The following TMEM163 variants were observed in gnomAD, a reference collection of about 807,000 sequenced individuals.
The protein encoded by TMEM163 is transmembrane protein 163.
In TMEM163, 17 loss-of-function variants were observed where a neutral mutation model predicts 29.3. That is an observed-to-expected ratio of 0.58 (90% CI 0.40 to 0.87). The LOEUF (loss-of-function observed/expected upper bound fraction) is 0.87, where lower values mean the gene tolerates loss of function less well. Ranked by LOEUF, TMEM163 falls within the 40% of genes least tolerant of loss-of-function variation. TMEM163 has a pLI of 0.00. For synonymous variants in TMEM163, 157 were observed against 160.6 expected, an observed-to-expected ratio of 0.98 and a Z score of 0.17; for missense variants, 303 against 381.5, an observed-to-expected ratio of 0.79 and a Z score of 1.71.
chr2:134,679,232 G>A (rs896642990), intron 2 of TMEM163, among the ~76,000 whole-genome samples: 5 of 152,220 alleles, frequency 3.3e-5, no homozygotes, highest in Non-Finnish European at 4.4e-5. Flanking sequence ...AACAATCAGC[G>A]GAGCCATGCT....
chr2:134,591,252 T>C (rs941159817), intron 2 of TMEM163, among the ~76,000 whole-genome samples: 5 of 152,220 alleles, frequency 3.3e-5, no homozygotes, highest in African/African-American at 1.2e-4. Flanking sequence ...TCACCCTTTG[T>C]GTCCATGCTC....
intron 2 of TMEM163, among the ~76,000 whole-genome samples, chr2:134,644,791 T>C (rs1262967074): frequency 6.6e-6 from 1 of 152,004 alleles, no homozygotes; most frequent in Non-Finnish European, 1.5e-5. Context: ...ATGAAAAATA[T>C]TTTTCTGCAA....
In TMEM163 at chr2:134,713,226, G is replaced by A. The variant is rs760438325; in HGVS notation, c.296C>T (p.Thr99Ile). 5 of 1,614,058 alleles carry A rather than the reference G, an allele frequency of 3.1e-6. No individual in the cohort carries two copies. Among genetic ancestry groups the A allele is most frequent in the East Asian group, 4.5e-5 (2 of 44,902 alleles). Reference sequence around the variant, plus strand: ...AAAGGCAGCCACCGCGAGGGCCAGGGTGACAATGATGGAGAACCAGGACAC... The same window carrying A: ...AAAGGCAGCCACCGCGAGGGCCAGGATGACAATGATGGAGAACCAGGACAC... ...LWVSWFSIIV[T>I]LALAVAAFTV... Residue 99 changes from threonine to isoleucine, a missense_variant, in exon 2 of 8, where the codon ACC (threonine) becomes ATC (isoleucine). Thr to Ile is a moderately conservative substitution (Grantham distance 89). Coordinates refer to ENST00000281924, the MANE Select transcript of TMEM163 (RefSeq NM_030923.5).
At chr2:134,511,086 G>A (rs1256109245) in intron 4 of TMEM163, among the ~76,000 whole-genome samples, 1 of 139,166 alleles carries the variant, frequency 7.2e-6, no homozygotes, top group Non-Finnish European at 1.5e-5. Flanking sequence ...ATGGGGATAG[G>A]CAATGAACAC....
At chr2:134,636,778 C>T (rs1246427397) in intron 2 of TMEM163, among the ~76,000 whole-genome samples, 13 of 152,204 alleles carry the variant, frequency 8.5e-5, no homozygotes, top group Admixed American at 8.5e-4. Context: ...TATTATAAAA[C>T]CTAAGATCAG....
At chr2:134,594,398 T>G (rs1682014482) in intron 2 of TMEM163, among the ~76,000 whole-genome samples, 1 of 152,172 alleles carries the variant, frequency 6.6e-6, no homozygotes, top group Non-Finnish European at 1.5e-5. Context: ...TGATGCAGTC[T>G]GCCTTCTGCT....
chr2:134,597,687 T>C (rs1043902130), intron 2 of TMEM163, among the ~76,000 whole-genome samples: 2 of 152,240 alleles, frequency 1.3e-5, no homozygotes, highest in African/African-American at 4.8e-5. Flanking sequence ...TCAGAAGGAA[T>C]GGTACCAGCT....
chr2:134,510,733 G>T (rs1248716617), intron 4 of TMEM163, among the ~76,000 whole-genome samples: 2 of 152,138 alleles, frequency 1.3e-5, no homozygotes, highest in Non-Finnish European at 2.9e-5. Context: ...GTCTGTTTGG[G>T]GCTTGCCAAG....
chr2:134,500,664 G>A (rs917858987), intron 5 of TMEM163, among the ~76,000 whole-genome samples: 2 of 152,146 alleles, frequency 1.3e-5, no homozygotes, highest in African/African-American at 2.4e-5. Context: ...GTGACATCCT[G>A]TCATTCGCTA....
At chr2:134,568,240 G>A (rs1681339568) in intron 2 of TMEM163, among the ~76,000 whole-genome samples, 1 of 152,068 alleles carries the variant, frequency 6.6e-6, no homozygotes, top group Admixed American at 6.6e-5. Flanking sequence ...ATAAAGGAAA[G>A]AAGGCAGGGC....
At chr2:134,648,214 T>C (rs541898296) in intron 2 of TMEM163, among the ~76,000 whole-genome samples, 2 of 152,276 alleles carry the variant, frequency 1.3e-5, no homozygotes, top group South Asian at 4.1e-4. Context: ...GTTGGACTCC[T>C]CTCTGAAGCA....
chr2:134,593,503 C>G (rs1052038640), intron 2 of TMEM163, among the ~76,000 whole-genome samples: 1 of 152,130 alleles, frequency 6.6e-6, no homozygotes, highest in Non-Finnish European at 1.5e-5. Context: ...GCACATGCCC[C>G]GCTGCTGTCT....
At chr2:134,522,419 G>A (rs995060033) in intron 4 of TMEM163, among the ~76,000 whole-genome samples, 25 of 152,360 alleles carry the variant, frequency 1.6e-4, no homozygotes, top group Admixed American at 1.1e-3. Flanking sequence ...GCACCTAAAA[G>A]GTGAACTAAG....
At chr2:134,474,293 G>A (rs933211507) in intron 5 of TMEM163, among the ~76,000 whole-genome samples, 1 of 152,186 alleles carries the variant, frequency 6.6e-6, no homozygotes, top group African/African-American at 2.4e-5. Context: ...AAAAGCATTT[G>A]ATGTGTCAAA....
intron 2 of TMEM163, among the ~76,000 whole-genome samples, chr2:134,581,636 G>GT (rs377473472): frequency 6.6e-6 from 1 of 151,936 alleles, no homozygotes; most frequent in African/African-American, 2.4e-5. Flanking sequence ...TATGGGGGCG[G>GT]GGGGGAGATG....
intron 5 of TMEM163, among the ~76,000 whole-genome samples, chr2:134,481,603 CTT>C (rs1400749321): frequency 6.6e-6 from 1 of 152,128 alleles, no homozygotes; most frequent in Non-Finnish European, 1.5e-5. Context: ...TCCGGTATGT[CTT>C]TATCAGCAGC....
intron 4 of TMEM163, among the ~76,000 whole-genome samples, chr2:134,514,261 C>T (rs906651610): frequency 6.6e-6 from 1 of 152,088 alleles, no homozygotes; most frequent in African/African-American, 2.4e-5. Context: ...GTTAGCAAAC[C>T]CTTTGTTTCC....
At chr2:134,710,778 C>T (rs551308608) in intron 2 of TMEM163, among the ~76,000 whole-genome samples, 2 of 152,164 alleles carry the variant, frequency 1.3e-5, no homozygotes, top group South Asian at 2.1e-4. Flanking sequence ...TCCATAAATA[C>T]AGTCGCTTTC....
At chr2:134,680,469 C>T (rs1016470568) in intron 2 of TMEM163, among the ~76,000 whole-genome samples, 3 of 152,020 alleles carry the variant, frequency 2.0e-5, no homozygotes, top group African/African-American at 4.8e-5. Flanking sequence ...AACAAAAAAA[C>T]GAACCTTTAA....
Sources: allele counts gnomAD v4.1 joint callset (sites outside exome capture counted in the v4.1 genomes callset), GRCh38; gene constraint gnomAD v4.1.1; transcripts MANE v1.5; gene names NCBI Gene and HGNC (gene_info 2026-07-23, HGNC 2026-07-21).